Variants in CCSER1 observed in about 807,000 individuals in gnomAD.
The protein encoded by CCSER1 is serine-rich coiled-coil domain-containing protein 1.
CCSER1 carries 41 observed loss-of-function variants against 82.0 expected under a neutral mutation model. The ratio of observed to expected loss-of-function variants is 0.50; its 90% CI spans 0.39 to 0.65. CCSER1 has a LOEUF of 0.65. Among genes scored for constraint, CCSER1 ranks in the 30% least tolerant of loss-of-function variants. The pLI, the probability that CCSER1 is intolerant of heterozygous loss-of-function variation, is 0.00. For synonymous variants in CCSER1, 414 were observed against 383.9 expected (o/e 1.08, Z -0.92); for missense variants, 1,119 against 1,064.2 (o/e 1.05, Z -0.72).
chr4:90,673,481 A>C (rs1185265481), intron 6 of CCSER1, among the ~76,000 whole-genome samples: 1 of 152,018 alleles, frequency 6.6e-6, no homozygotes, highest in Non-Finnish European at 1.5e-5. Context: ...AACTTAAAAT[A>C]AGTAAAACAT....
chr4:90,294,788 A>G (rs1731554670), intron 1 of CCSER1, among the ~76,000 whole-genome samples: 1 of 152,028 alleles, frequency 6.6e-6, no homozygotes, highest in South Asian at 2.1e-4. Flanking sequence ...CGACAACCTC[A>G]ATTCAAAGGC....
chr4:90,644,477 A>T (rs1727132057), intron 6 of CCSER1, among the ~76,000 whole-genome samples: 2 of 151,970 alleles, frequency 1.3e-5, no homozygotes, highest in African/African-American at 4.8e-5. Context: ...AATTTAATTT[A>T]ATTTTACATT....
chr4:90,970,673 T>C (rs62309782), intron 9 of CCSER1, among the ~76,000 whole-genome samples: 85,713 of 151,846 alleles, frequency 0.56, 25,917 homozygotes, highest in Non-Finnish European at 0.69. Flanking sequence ...TCTTTCAAGA[T>C]AGATTATATG....
chr4:91,096,848 C>T (rs568351550), intron 10 of CCSER1, among the ~76,000 whole-genome samples: 3 of 152,222 alleles, frequency 2.0e-5, no homozygotes. Context: ...ATCGTTTATA[C>T]CAAAACAAAA....
intron 3 of CCSER1, among the ~76,000 whole-genome samples, chr4:90,376,004 G>T (rs1003646550): frequency 6.6e-6 from 1 of 152,128 alleles, no homozygotes; most frequent in African/African-American, 2.4e-5. Flanking sequence ...TTGTTCTAGG[G>T]GCACTATGTG....
chr4:91,411,299 A>G (rs542862309), intron 10 of CCSER1, among the ~76,000 whole-genome samples: 1 of 151,472 alleles, frequency 6.6e-6, no homozygotes, highest in South Asian at 2.1e-4. Flanking sequence ...TACTTAAGCC[A>G]TCCTCATAGA....
At chr4:90,511,561 G>A (rs910696932) in intron 5 of CCSER1, among the ~76,000 whole-genome samples, 1 of 152,156 alleles carries the variant, frequency 6.6e-6, no homozygotes, top group Non-Finnish European at 1.5e-5. Flanking sequence ...AACCAGTTTT[G>A]TTGTAAAGTG....
chr4:90,671,479 C>A (rs1012704876), intron 6 of CCSER1, among the ~76,000 whole-genome samples: 1 of 152,176 alleles, frequency 6.6e-6, no homozygotes, highest in Non-Finnish European at 1.5e-5. Context: ...CTGTAAGAAG[C>A]AACTCCTCAT....
intron 9 of CCSER1, among the ~76,000 whole-genome samples, chr4:91,051,806 A>G (rs749367584): frequency 2.7e-4 from 41 of 152,160 alleles, no homozygotes; most frequent in Non-Finnish European, 5.4e-4. Flanking sequence ...TAATTTGTGC[A>G]TAATATCATA....
At chr4:90,294,985 A>G (rs984687445) in intron 1 of CCSER1, among the ~76,000 whole-genome samples, 1 of 152,042 alleles carries the variant, frequency 6.6e-6, no homozygotes, top group Non-Finnish European at 1.5e-5. Flanking sequence ...ATTTGATTTT[A>G]TTAACACAAT....
intron 10 of CCSER1, among the ~76,000 whole-genome samples, chr4:91,221,426 G>A (rs975817215): frequency 6.6e-6 from 1 of 151,952 alleles, no homozygotes. Context: ...TATTATTATA[G>A]TACATAGATA....
At chr4:91,337,381 A>G (rs1344269549) in intron 10 of CCSER1, among the ~76,000 whole-genome samples, 1 of 152,136 alleles carries the variant, frequency 6.6e-6, no homozygotes, top group African/African-American at 2.4e-5. Flanking sequence ...TTCTGATACA[A>G]TGGCTGTATC....
intron 10 of CCSER1, among the ~76,000 whole-genome samples, chr4:91,342,069 G>C (rs1355915146): frequency 1.3e-5 from 2 of 152,090 alleles, no homozygotes; most frequent in African/African-American, 4.8e-5. Flanking sequence ...CACCTGTTTT[G>C]CTGCATAAAA....
intron 5 of CCSER1, among the ~76,000 whole-genome samples, chr4:90,618,438 TG>T (rs1269125443): frequency 1.3e-5 from 2 of 152,008 alleles, no homozygotes; most frequent in African/African-American, 4.8e-5. Flanking sequence ...TTTTTAATAA[TG>T]TTTTTCATAA....
intron 1 of CCSER1, among the ~76,000 whole-genome samples, chr4:90,264,692 T>G (rs1415670503): frequency 6.6e-6 from 1 of 152,148 alleles, no homozygotes; most frequent in East Asian, 1.9e-4. Flanking sequence ...AATACACTTT[T>G]TTTTTTATCC....
At chr4:90,888,993 A>G (rs1250586051) in intron 8 of CCSER1, among the ~76,000 whole-genome samples, 1 of 149,340 alleles carries the variant, frequency 6.7e-6, no homozygotes, top group African/African-American at 2.6e-5. Context: ...TAGCAATGTC[A>G]TAGTTTGTCA....
chr4:90,793,888 G>T (rs1293187109), intron 7 of CCSER1, among the ~76,000 whole-genome samples: 2 of 152,124 alleles, frequency 1.3e-5, no homozygotes, highest in South Asian at 2.1e-4. Flanking sequence ...TCTCATTGTG[G>T]TTTTGATTTG....
chr4:90,906,398 G>A (rs1013973439), intron 8 of CCSER1, among the ~76,000 whole-genome samples: 3 of 152,090 alleles, frequency 2.0e-5, no homozygotes, highest in South Asian at 2.1e-4. Context: ...ATACCATGCT[G>A]ACTCTGCAAG....
intron 5 of CCSER1, among the ~76,000 whole-genome samples, chr4:90,541,458 A>G (rs1211818786): frequency 2.6e-5 from 4 of 152,112 alleles, no homozygotes; most frequent in African/African-American, 2.4e-5. Context: ...CCCAAACTCT[A>G]TAAAGTGACT....
Sources: allele counts gnomAD v4.1 joint callset (sites outside exome capture counted in the v4.1 genomes callset), GRCh38; gene constraint gnomAD v4.1.1; transcripts MANE v1.5; gene names NCBI Gene and HGNC (gene_info 2026-07-23, HGNC 2026-07-21).